Variants in RBMS3 observed in about 807,000 individuals in gnomAD.
RBMS3 encodes the protein RNA-binding motif, single-stranded-interacting protein 3.
A neutral mutation model predicts 66.8 loss-of-function variants in RBMS3; 27 were observed. The observed-to-expected ratio is 0.40, with a 90% CI of 0.30 to 0.56. The LOEUF (loss-of-function observed/expected upper bound fraction) is 0.56, where lower values mean the gene tolerates loss of function less well. RBMS3 is among the 20% of genes least tolerant of loss of function. The pLI, the probability that RBMS3 is intolerant of heterozygous loss-of-function variation, is 0.40. For synonymous variants in RBMS3, 188 were observed against 183.0 expected (o/e 1.03, Z -0.22); for missense variants, 513 against 549.5 (o/e 0.93, Z 0.66).
At chr3:29,574,681 C>G (rs2149072719) in intron 3 of RBMS3, among the ~76,000 whole-genome samples, 1 of 152,142 alleles carries the variant, frequency 6.6e-6, no homozygotes, top group South Asian at 2.1e-4. Context: ...GTGATTTTCT[C>G]TGACGGTATG....
At chr3:29,706,931 G>C (rs1427549098) in intron 4 of RBMS3, among the ~76,000 whole-genome samples, 2 of 152,166 alleles carry the variant, frequency 1.3e-5, no homozygotes, top group African/African-American at 4.8e-5. Flanking sequence ...AAGATGGTTT[G>C]CTACTTATAT....
intron 6 of RBMS3, among the ~76,000 whole-genome samples, chr3:29,853,967 G>T (rs2059009473): frequency 1.3e-5 from 2 of 152,136 alleles, no homozygotes; most frequent in African/African-American, 4.8e-5. Flanking sequence ...CTGGCAGAAG[G>T]GAGACACTTA....
intron 8 of RBMS3, among the ~76,000 whole-genome samples, chr3:29,890,346 T>C (rs996096607): frequency 1.3e-5 from 2 of 151,636 alleles, no homozygotes; most frequent in Non-Finnish European, 3.0e-5. Context: ...TAAGTGTCCA[T>C]AATAAAGTAT....
At chr3:29,469,194 A>C (rs918536733) in intron 2 of RBMS3, among the ~76,000 whole-genome samples, 1 of 152,154 alleles carries the variant, frequency 6.6e-6, no homozygotes, top group East Asian at 1.9e-4. Context: ...TCTTACAAAT[A>C]GTGATAACAT....
intron 12 of RBMS3, among the ~76,000 whole-genome samples, chr3:29,959,303 A>C (rs1377122793): frequency 1.3e-5 from 2 of 152,176 alleles, no homozygotes; most frequent in African/African-American, 4.8e-5. Flanking sequence ...TAGCATGTTC[A>C]ATTTTTTAAA....
At chr3:29,823,788 G>T (rs1255880867) in intron 6 of RBMS3, among the ~76,000 whole-genome samples, 1 of 152,134 alleles carries the variant, frequency 6.6e-6, no homozygotes, top group Non-Finnish European at 1.5e-5. Flanking sequence ...TATTTTACAT[G>T]TAGGAATGAA....
At chr3:29,588,611 A>G (rs917357136) in intron 4 of RBMS3, among the ~76,000 whole-genome samples, 7 of 152,090 alleles carry the variant, frequency 4.6e-5, no homozygotes, top group Non-Finnish European at 1.0e-4. Flanking sequence ...TTTATGACAC[A>G]TGACTAGTTG....
At chr3:29,633,179 C>T (rs1025144114) in intron 4 of RBMS3, among the ~76,000 whole-genome samples, 1 of 151,604 alleles carries the variant, frequency 6.6e-6, no homozygotes, top group Non-Finnish European at 1.5e-5. Context: ...GTATGGCTAT[C>T]TGTGCATATC....
At chr3:29,340,785 C>T (rs1431814013) in intron 1 of RBMS3, among the ~76,000 whole-genome samples, 1 of 152,084 alleles carries the variant, frequency 6.6e-6, no homozygotes, top group Non-Finnish European at 1.5e-5. Context: ...ATAATTAGAT[C>T]ATAGTATTTC....
At chr3:29,499,376 A>G (rs749001623) in intron 3 of RBMS3, among the ~76,000 whole-genome samples, 2 of 152,168 alleles carry the variant, frequency 1.3e-5, no homozygotes, top group Non-Finnish European at 2.9e-5. Context: ...ACTCATGTAC[A>G]TAGCTGAAAA....
intron 1 of RBMS3, among the ~76,000 whole-genome samples, chr3:29,348,569 G>GT (rs1200901064): frequency 1.9e-5 from 2 of 107,878 alleles, no homozygotes; most frequent in Non-Finnish European, 4.2e-5. Context: ...ACTTCTCTCT[G>GT]TTAAAAAAAA....
intron 1 of RBMS3, among the ~76,000 whole-genome samples, chr3:29,307,279 G>A (rs985098264): frequency 6.6e-6 from 1 of 151,910 alleles, no homozygotes; most frequent in Non-Finnish European, 1.5e-5. Context: ...GAGGGTTGGA[G>A]GAAGATCCAA....
intron 1 of RBMS3, among the ~76,000 whole-genome samples, chr3:29,401,247 G>A (rs1251802702): frequency 6.6e-6 from 1 of 151,954 alleles, no homozygotes; most frequent in Non-Finnish European, 1.5e-5. Flanking sequence ...TGTCAAAATA[G>A]CTCACATTAA....
chr3:29,627,774 G>A (rs62234860), intron 4 of RBMS3, among the ~76,000 whole-genome samples: 10,997 of 152,128 alleles, frequency 0.072, 750 homozygotes, highest in East Asian at 0.35. Context: ...ATGCATATTT[G>A]TGAAAAGAAG....
intron 10 of RBMS3, among the ~76,000 whole-genome samples, chr3:29,931,203 T>G (rs2061112547): frequency 6.6e-6 from 1 of 152,198 alleles, no homozygotes; most frequent in Non-Finnish European, 1.5e-5. Flanking sequence ...AAAACTGTTT[T>G]GAGTACTTAC....
At chr3:29,926,129 T>G (rs2060930644) in intron 10 of RBMS3, among the ~76,000 whole-genome samples, 1 of 152,208 alleles carries the variant, frequency 6.6e-6, no homozygotes, top group Admixed American at 6.5e-5. Context: ...CCAGGACATA[T>G]TTTATCTCAG....
intron 14 of RBMS3, among the ~76,000 whole-genome samples, chr3:30,000,747 A>G (rs113462890): frequency 0.088 from 13,421 of 152,112 alleles, 1,001 homozygotes; most frequent in South Asian, 0.18. Context: ...AGGGACATGG[A>G]TGAAACTGGA....
intron 7 of RBMS3, among the ~76,000 whole-genome samples, chr3:29,870,247 C>T (rs915602042): frequency 2.6e-5 from 4 of 152,004 alleles, no homozygotes; most frequent in African/African-American, 9.7e-5. Context: ...AGCAGATAAC[C>T]CTATTGGCCT....
At chr3:29,996,545 G>A (rs1323521066) in intron 14 of RBMS3, among the ~76,000 whole-genome samples, 44 of 149,432 alleles carry the variant, frequency 2.9e-4, no homozygotes, top group African/African-American at 1.1e-3. Context: ...AAATGTAAAA[G>A]AACAGAAATT....
Sources: allele counts gnomAD v4.1 joint callset (sites outside exome capture counted in the v4.1 genomes callset), GRCh38; gene constraint gnomAD v4.1.1; transcripts MANE v1.5; gene names NCBI Gene and HGNC (gene_info 2026-07-23, HGNC 2026-07-21).